The following PFKP variants were observed in gnomAD, a reference collection of about 807,000 sequenced individuals.
The protein encoded by PFKP is phosphofructokinase, platelet, also known as ATP-dependent 6-phosphofructokinase, platelet type.
Under a neutral mutation model 94.3 loss-of-function variants are expected in PFKP, and 101 were observed. That is an observed-to-expected ratio of 1.07 (90% CI 0.91 to 1.26). PFKP has a LOEUF of 1.26. Ranked by LOEUF, PFKP falls within the 50% of genes most tolerant of loss-of-function variation. The pLI is 0.00. For synonymous variants in PFKP, 573 were observed against 432.6 expected (o/e 1.32, Z -4.03); for missense variants, 1,145 against 1,103.3 (o/e 1.04, Z -0.53).
At chr10:3,116,698 C>T in intron 13 of PFKP, 78 bp from the exon 14 acceptor site, 2 of 1,075,488 alleles carry the variant, frequency 1.9e-6, no homozygotes, top group South Asian at 2.5e-5. Context: ...TTGAAAAGTA[C>T]AGAAAGCTAT....
intron 1 of PFKP, among the ~76,000 whole-genome samples, chr10:3,072,989 TAG>T (rs571410903): frequency 1.5e-4 from 23 of 152,044 alleles, no homozygotes; most frequent in Middle Eastern, 3.4e-3. Context: ...TTTTGTTTAT[TAG>T]AGAGTAGCTG....
Position 3,125,042 on chromosome 10 carries a change from G to A in PFKP, c.1684-4777G>A, listed in dbSNP as rs2306308. ...TCCTGGACCTCAGCACAGGCCCTGG[G>A]GCTGGCAGGTGAGCACCCGGCACCC... On this transcript the variant is annotated intron_variant, in intron 16 of 21. Coordinates refer to ENST00000381125, the MANE Select transcript of PFKP (RefSeq NM_002627.5). The A allele has an allele frequency of 5.6e-3, 6,511 of 1,157,210 alleles. 206 individuals carry two copies. In the African/African-American group the frequency reaches 0.082, roughly 15 times the overall value. 71.7% of individuals were successfully genotyped at this position (1,157,210 alleles called of 1,614,324 possible). A position where few individuals can be genotyped will look rare whatever the true frequency, so the allele number is the denominator to read the frequency against.
At chr10:3,088,195 T>C (rs1248479959) in intron 2 of PFKP, among the ~76,000 whole-genome samples, 2 of 137,322 alleles carry the variant, frequency 1.5e-5, no homozygotes, top group African/African-American at 5.5e-5. Context: ...CCTTCCTGTG[T>C]CCATGTGTTC....
intron 1 of PFKP, chr10:3,069,247 A>T (rs1831997392): frequency 1.4e-6 from 2 of 1,443,048 alleles, no homozygotes; most frequent in East Asian, 5.4e-5. Flanking sequence ...CAGTAAAAGG[A>T]CCCCAGCATC....
chr10:3,115,608 C>CTCAGCTGAGGACAGGACTGGGGATGCT (rs1398826606), intron 13 of PFKP, among the ~76,000 whole-genome samples: 1 of 152,106 alleles, frequency 6.6e-6, no homozygotes, highest in East Asian at 1.9e-4. Context: ...GTGTGTGTCC[C>CTCAGCTGAGGACAGGACTGGGGATGCT]GTGGCCAAGA....
chr10:3,103,709 C>T (rs1395739747), intron 4 of PFKP, 70 bp from the exon 5 acceptor site: 1 of 1,525,526 alleles, frequency 6.6e-7, no homozygotes, highest in African/African-American at 1.4e-5. Context: ...TTCTGCCTCA[C>T]CCCTAGTGGG....
chr10:3,078,936 C>T (rs902196569), intron 1 of PFKP, among the ~76,000 whole-genome samples: 3 of 152,204 alleles, frequency 2.0e-5, no homozygotes, highest in African/African-American at 7.2e-5. Context: ...CTTTCAGGAC[C>T]TAGAATTGTG....
At chr10:3,134,894 G>A (rs1839046915) in intron 20 of PFKP, among the ~76,000 whole-genome samples, 3 of 152,114 alleles carry the variant, frequency 2.0e-5, no homozygotes, top group Non-Finnish European at 4.4e-5. Flanking sequence ...AGTTTAAGTG[G>A]GGCCTTCTAT....
rs78203099 is a variant in PFKP at position 3,135,011 on chromosome 10, T to A, written c.2122+429T>A. Among the ~76,000 whole-genome samples, 833 of 151,654 alleles carry A rather than the reference T, an allele frequency of 5.5e-3. 5 individuals carry two copies. Among genetic ancestry groups the A allele is most frequent in the Middle Eastern group, 0.037 (11 of 294 alleles). ...AATTGTTCATGTTTGTAGAACTGCA[T>A]GTTCGTAGAACTGTGCATGTTCTTC... On this transcript the variant is annotated intron_variant, in intron 20 of 21. Coordinates refer to ENST00000381125, the MANE Select transcript of PFKP (RefSeq NM_002627.5).
chr10:3,128,020 C>T (rs960450447), intron 16 of PFKP, among the ~76,000 whole-genome samples: 29 of 86,434 alleles, frequency 3.4e-4, no homozygotes, highest in African/African-American at 1.3e-3. Context: ...AAGTCCACAC[C>T]CCCACTTCAT....
chr10:3,128,063 C>A (rs9423694), intron 16 of PFKP, among the ~76,000 whole-genome samples: 23 of 152,210 alleles, frequency 1.5e-4, no homozygotes, highest in Middle Eastern at 3.4e-3. Context: ...CATGGAGGCC[C>A]ATTAGGGAAT....
At position 3,087,606 on chromosome 10, in the gene PFKP, T is replaced by C. The variant is rs1376771362; in HGVS notation, c.186+5145T>C. On this transcript the variant is annotated intron_variant, in intron 2 of 21. Coordinates refer to ENST00000381125, the MANE Select transcript of PFKP (RefSeq NM_002627.5). ...ATAGTAAGTGGCACCTTCGAAGCTG[T>C]CTAGGAGCAGAGCTGAATGGACTGT... Among the ~76,000 whole-genome samples the C allele has an allele frequency of 7.2e-5, 11 of 152,218 alleles. No homozygotes were observed. The East Asian group carries it at 2.1e-3, about 29-fold the overall frequency.
chr10:3,129,890 C>T lies in PFKP; in HGVS notation c.1755C>T (p.Gly585=), dbSNP rs774580758. Reference sequence around the variant, plus strand: ...TGTTCATCATCGAGACCATGGGCGGCTACTGTGGCTACCTGGCCAACATGG... The same window carrying T: ...TGTTCATCATCGAGACCATGGGCGGTTACTGTGGCTACCTGGCCAACATGG... ...RRVFIIETMG[G]YCGYLANMGG... Residue 585 remains glycine, a synonymous_variant, in exon 17 of 22, where the codon GGC becomes GGT. Coordinates refer to ENST00000381125, the MANE Select transcript of PFKP (RefSeq NM_002627.5). 1.2e-6 allele frequency: 2 copies of T among 1,613,368 alleles called. No individual in the cohort carries two copies. Among genetic ancestry groups the T allele is most frequent in the Non-Finnish European group, 1.7e-6 (2 of 1,179,888 alleles).
intron 2 of PFKP, among the ~76,000 whole-genome samples, chr10:3,083,752 C>A (rs1404004033): frequency 6.6e-6 from 1 of 152,180 alleles, no homozygotes; most frequent in East Asian, 1.9e-4. Context: ...AAATGATTCT[C>A]CTGCATCTGC....
chr10:3,087,984 C>CTTTTTTTTTTTT (rs1224829610), intron 2 of PFKP, among the ~76,000 whole-genome samples: 15 of 96,574 alleles, frequency 1.6e-4, no homozygotes, highest in African/African-American at 2.4e-4. Context: ...ATCTTTCATT[C>CTTTTTTTTTTTT]TTTTTTTTTT....
intron 10 of PFKP, among the ~76,000 whole-genome samples, chr10:3,110,997 A>T (rs1470503192): frequency 3.4e-5 from 5 of 146,974 alleles, no homozygotes; most frequent in Non-Finnish European, 7.5e-5. Context: ...TGTACATTTG[A>T]GTGTGAGGTA....
intron 1 of PFKP, among the ~76,000 whole-genome samples, chr10:3,074,508 A>G (rs1832436551): frequency 6.6e-6 from 1 of 152,166 alleles, no homozygotes; most frequent in Non-Finnish European, 1.5e-5. Flanking sequence ...AGGGGAGGCC[A>G]CAAGTTTAGG....
At chr10:3,100,122 T>C (rs964504323) in intron 3 of PFKP, among the ~76,000 whole-genome samples, 5 of 151,380 alleles carry the variant, frequency 3.3e-5, no homozygotes, top group Admixed American at 1.3e-4. Context: ...TGGCACCCAC[T>C]CCTCTGCAGC....
At chr10:3,112,361 AG>A (rs1836331156) in intron 11 of PFKP, 75 bp downstream of exon 11, 1 of 1,100,190 alleles carries the variant, frequency 9.1e-7, no homozygotes, top group African/African-American at 1.5e-5. Context: ...AAACGTGCTT[AG>A]GGGTTGTGCT....
Sources: allele counts gnomAD v4.1 joint callset (sites outside exome capture counted in the v4.1 genomes callset), GRCh38; gene constraint gnomAD v4.1.1; transcripts MANE v1.5; gene names NCBI Gene and HGNC (gene_info 2026-07-23, HGNC 2026-07-21).